Variants in DIAPH2 observed in about 807,000 individuals in gnomAD.
The protein encoded by DIAPH2 is diaphanous related formin 2.
DIAPH2 carries 35 observed loss-of-function variants against 92.7 expected under a neutral mutation model. The observed-to-expected ratio is 0.38, with a 90% confidence interval of 0.29 to 0.50. The LOEUF is 0.50. DIAPH2 is among the 20% of genes least tolerant of loss of function. DIAPH2 has a pLI of 0.94. For missense variants in DIAPH2, 701 were observed against 819.5 expected (o/e 0.86, Z 1.77); for synonymous variants, 301 against 280.4 (o/e 1.07, Z -0.73).
At position 96,705,160 on chromosome X, in the gene DIAPH2, G is replaced by C. The variant is rs530188758; in HGVS notation, c.132+19970G>C. On this transcript the variant is annotated intron_variant, in intron 1 of 26. Coordinates refer to ENST00000324765, the MANE Select transcript of DIAPH2 (RefSeq NM_006729.5). ...GGCTAATTTTTGTATTTTTAGTCGA[G>C]ACAGGGTTTCACCATGTTGGTCAGG... Among the ~76,000 whole-genome samples the C allele has an allele frequency of 1.3e-4, 14 of 109,751 alleles. 1 individual carries two copies. In the South Asian group the frequency reaches 5.5e-3, roughly 43 times the overall value.
chrX:96,991,952 C>T (rs2066075273), intron 17 of DIAPH2, among the ~76,000 whole-genome samples: 1 of 110,687 alleles, frequency 9.0e-6, no homozygotes, highest in Non-Finnish European at 1.9e-5. Flanking sequence ...ATCTAGCATG[C>T]ATTGATGAAG....
At chrX:96,861,770 T>G (rs1403306923) in intron 4 of DIAPH2, among the ~76,000 whole-genome samples, 2 of 111,888 alleles carry the variant, frequency 1.8e-5, no homozygotes, top group Non-Finnish European at 3.8e-5. Flanking sequence ...TTCCTGCTCC[T>G]TGTCCCTTTC....
intron 23 of DIAPH2, among the ~76,000 whole-genome samples, chrX:97,339,715 G>C (rs1450430566): frequency 8.9e-6 from 1 of 111,950 alleles, no homozygotes; most frequent in Non-Finnish European, 1.9e-5. Context: ...TTCTGTTAGG[G>C]AGAAGATGAT....
chrX:96,748,865 A>C (rs970696632), intron 3 of DIAPH2, among the ~76,000 whole-genome samples: 1 of 110,990 alleles, frequency 9.0e-6, no homozygotes, highest in African/African-American at 3.3e-5. Context: ...TTAAATTGTT[A>C]CCCAAAAAAA....
chrX:97,447,731 C>A (rs2070324536), intron 26 of DIAPH2, among the ~76,000 whole-genome samples: 1 of 111,443 alleles, frequency 9.0e-6, no homozygotes, highest in Admixed American at 9.5e-5. Context: ...ACCACCGTTA[C>A]ATTTTTTACG....
At chrX:97,013,775 C>A (rs1278556561) in intron 17 of DIAPH2, among the ~76,000 whole-genome samples, 2 of 112,170 alleles carry the variant, frequency 1.8e-5, no homozygotes, top group African/African-American at 6.5e-5. Flanking sequence ...GATAACAAAT[C>A]TGGCACCTGG....
At chrX:97,299,517 T>C (rs1311781732) in intron 23 of DIAPH2, among the ~76,000 whole-genome samples, 1 of 111,836 alleles carries the variant, frequency 8.9e-6, no homozygotes, top group Non-Finnish European at 1.9e-5. Flanking sequence ...TAGCACTGGG[T>C]GCAATGTCCC....
intron 17 of DIAPH2, among the ~76,000 whole-genome samples, chrX:96,981,582 A>G (rs2065998102): frequency 8.9e-6 from 1 of 112,055 alleles, no homozygotes; most frequent in Non-Finnish European, 1.9e-5. Context: ...ATGGATTATT[A>G]CATTCAATTT....
At chrX:96,962,418 CACAT>C (rs1569436637) in intron 16 of DIAPH2, among the ~76,000 whole-genome samples, 1 of 50,859 alleles carries the variant, frequency 2.0e-5, no homozygotes, top group Non-Finnish European at 3.6e-5. Flanking sequence ...TATATATATA[CACAT>C]ATATATACAT....
chrX:97,112,765 C>CTTTTTTTTTTTTTTTTTTTTTTTT (rs60721723), intron 20 of DIAPH2, among the ~76,000 whole-genome samples: 1 of 37,236 alleles, frequency 2.7e-5, no homozygotes, highest in African/African-American at 1.2e-4. Context: ...CCCTTTCTTT[C>CTTTTTTTTTTTTTTTTTTTTTTTT]TTTTTTTTTT....
intron 23 of DIAPH2, among the ~76,000 whole-genome samples, chrX:97,262,092 TAAAAAAA>T (rs35665297): frequency 5.0e-5 from 3 of 60,528 alleles, no homozygotes; most frequent in Admixed American, 4.3e-4. Flanking sequence ...GATGAGAAAC[TAAAAAAA>T]AAAAAAAAAA....
intron 17 of DIAPH2, among the ~76,000 whole-genome samples, chrX:96,974,781 A>C (rs748113770): frequency 2.2e-4 from 24 of 111,468 alleles, no homozygotes; most frequent in Non-Finnish European, 3.6e-4. Context: ...TTTAAAAACT[A>C]TAGTAATTAT....
chrX:96,685,197 G>A lies in DIAPH2; in HGVS notation c.132+7G>A, dbSNP rs2063764108. The A allele has an allele frequency of 6.0e-6, 6 of 992,748 alleles. No individual in the cohort carries two copies. Among genetic ancestry groups the A allele is most frequent in the Non-Finnish European group, 7.7e-6 (6 of 778,166 alleles). 81.8% of individuals were successfully genotyped at this position (992,748 alleles called of 1,213,427 possible). The stretch of plus-strand genomic sequence containing the variant: ...GAAAAACAAACCCAAATTGGTGAGT[G>A]CTCCCGCAGCCCCCGCCGGCCTTAG... On this transcript the variant is annotated splice_region_variant and intron_variant, in intron 1 of 26. Coordinates refer to ENST00000324765, the MANE Select transcript of DIAPH2 (RefSeq NM_006729.5).
chrX:97,578,072 T>G lies in DIAPH2; in HGVS notation c.3242-21181T>G, dbSNP rs2071409878. Among the ~76,000 whole-genome samples, 3 of 84,817 alleles carry G rather than the reference T, an allele frequency of 3.5e-5. No homozygotes were observed. The South Asian group carries it at 2.4e-3, about 68-fold the overall frequency. The allele number at this position is 84,817 out of a possible 115,157, so 73.7% of individuals were successfully genotyped here. Reference sequence around the variant, plus strand: ...CTTTTGAGCTGGGGAGTACGGTCTCTTTGAGAAAACTGTTTTCTTTCTTTT... The same window carrying G: ...CTTTTGAGCTGGGGAGTACGGTCTCGTTGAGAAAACTGTTTTCTTTCTTTT... On this transcript the variant is annotated intron_variant, in intron 26 of 26. Transcript: ENST00000324765.
intron 22 of DIAPH2, among the ~76,000 whole-genome samples, chrX:97,167,719 A>G (rs1474739751): frequency 8.9e-6 from 1 of 111,853 alleles, no homozygotes; most frequent in African/African-American, 3.3e-5. Flanking sequence ...AGCAGAATAT[A>G]TAAGTACTTC....
chrX:97,192,959 T>G (rs926288869), intron 22 of DIAPH2, among the ~76,000 whole-genome samples: 6 of 109,523 alleles, frequency 5.5e-5, no homozygotes, highest in African/African-American at 2.0e-4. Context: ...AGCAACAAAT[T>G]CCCTCTCTTT....
intron 23 of DIAPH2, among the ~76,000 whole-genome samples, chrX:97,295,049 T>G (rs889361065): frequency 1.8e-5 from 2 of 111,395 alleles, no homozygotes; most frequent in African/African-American, 6.5e-5. Flanking sequence ...ACTCCATGTT[T>G]CTACCTAGAT....
chrX:97,036,424 T>A (rs1414688690), intron 17 of DIAPH2, among the ~76,000 whole-genome samples: 1 of 112,408 alleles, frequency 8.9e-6, no homozygotes, highest in East Asian at 2.8e-4. Context: ...TTAAGTGGTT[T>A]ATAAACAAAG....
intron 26 of DIAPH2, among the ~76,000 whole-genome samples, chrX:97,569,349 C>T (rs182507231): frequency 2.7e-5 from 3 of 111,862 alleles, no homozygotes; most frequent in African/African-American, 9.7e-5. Context: ...TTAACTATGT[C>T]TTATACCTTT....
Sources: gnomAD v4.1 joint callset for allele counts (sites outside exome capture counted in the v4.1 genomes callset) on GRCh38, gnomAD v4.1.1 for gene constraint, MANE v1.5 for transcripts, NCBI Gene and HGNC (gene_info 2026-07-23, HGNC 2026-07-21) for gene names.